The following UCHL3 variants were observed in gnomAD, a reference collection of about 807,000 sequenced individuals.
UCHL3 encodes the protein ubiquitin carboxyl-terminal hydrolase isozyme L3.
Under a neutral mutation model 35.8 loss-of-function variants are expected in UCHL3, and 22 were observed. That is an observed-to-expected ratio of 0.61 (90% confidence interval 0.44 to 0.88). UCHL3 has a LOEUF of 0.88. Ranked by LOEUF, UCHL3 falls within the 40% of genes least tolerant of loss-of-function variation. The pLI is 0.00. For missense variants in UCHL3, 229 were observed against 276.9 expected (o/e 0.83, Z 1.23); for synonymous variants, 90 against 92.8 (o/e 0.97, Z 0.17).
chr13:75,554,373 A>G (rs146055567), intron 2 of UCHL3, among the ~76,000 whole-genome samples: 12 of 152,360 alleles, frequency 7.9e-5, no homozygotes, highest in African/African-American at 2.4e-4. Flanking sequence ...ATTACTACAT[A>G]TAAAATATGT....
chr13:75,591,216 C>A (rs924650761), intron 6 of UCHL3, among the ~76,000 whole-genome samples: 2 of 152,166 alleles, frequency 1.3e-5, no homozygotes, highest in Non-Finnish European at 2.9e-5. Flanking sequence ...TGGTATCTTT[C>A]CTTAAATATT....
chr13:75,549,549 C>T, upstream of UCHL3: 1 of 444,142 alleles, frequency 2.3e-6, no homozygotes, highest in Non-Finnish European at 3.9e-6. Flanking sequence ...GGGGAGAGGG[C>T]TGTGGATTCA....
chr13:75,557,571 T>C (rs534989873), intron 2 of UCHL3, among the ~76,000 whole-genome samples: 2 of 152,358 alleles, frequency 1.3e-5, no homozygotes, highest in South Asian at 2.1e-4. Flanking sequence ...TGAAACCTTT[T>C]ATCCTGCTTG....
intron 2 of UCHL3, among the ~76,000 whole-genome samples, chr13:75,553,609 C>A (rs1424393015): frequency 6.6e-6 from 1 of 152,074 alleles, no homozygotes; most frequent in African/African-American, 2.4e-5. Flanking sequence ...GACTGCTCAT[C>A]TTTTTTATGT....
intron 4 of UCHL3, 24 bp downstream of exon 4, chr13:75,566,875 T>A (rs760373304): frequency 6.4e-7 from 1 of 1,570,802 alleles, no homozygotes; most frequent in South Asian, 1.2e-5. Context: ...CATTACTGCA[T>A]TTTTTCCCCC....
chr13:75,549,681 C>A (rs1324891179), upstream of UCHL3: 3 of 947,236 alleles, frequency 3.2e-6, no homozygotes, highest in South Asian at 1.9e-5. Flanking sequence ...GTGAGAGGCC[C>A]GTCAAACTCT....
chr13:75,590,352 A>G (rs2032449067), intron 6 of UCHL3, among the ~76,000 whole-genome samples: 1 of 152,106 alleles, frequency 6.6e-6, no homozygotes, highest in Non-Finnish European at 1.5e-5. Flanking sequence ...TCCTGCCAAC[A>G]TAACGGCACC....
At chr13:75,575,300 C>T (rs2031985837) in intron 6 of UCHL3, among the ~76,000 whole-genome samples, 1 of 152,206 alleles carries the variant, frequency 6.6e-6, no homozygotes, top group Non-Finnish European at 1.5e-5. Context: ...CCCCACCTCA[C>T]TTATGCTTCA....
In UCHL3 at chr13:75,604,677, T is replaced by C. The variant is rs985982290; in HGVS notation, c.551-92T>C. 5 of 979,952 alleles carry C rather than the reference T, an allele frequency of 5.1e-6. No individual in the cohort carries two copies. The African/African-American group carries it at 8.4e-5, about 16-fold the overall frequency. 60.7% of individuals were successfully genotyped at this position (979,952 alleles called of 1,614,324 possible). ...TATTGAAAATGGCTTTTAACTTTTC[T>C]TGCCTCACTGGGGGAAGAGGAAAAT... is the stretch of plus-strand genomic sequence containing the variant. On this transcript the variant is annotated intron_variant, in intron 7 of 8. Coordinates refer to ENST00000377595, the MANE Select transcript of UCHL3 (RefSeq NM_006002.5).
chr13:75,580,391 G>A (rs2032146082), intron 6 of UCHL3, among the ~76,000 whole-genome samples: 1 of 152,140 alleles, frequency 6.6e-6, no homozygotes, highest in South Asian at 2.1e-4. Context: ...AACTCATAAA[G>A]TTATACATGT....
chr13:75,597,129 T>G (rs373035552), intron 7 of UCHL3, among the ~76,000 whole-genome samples: 8 of 152,228 alleles, frequency 5.3e-5, no homozygotes, highest in African/African-American at 1.9e-4. Flanking sequence ...GTAACTCTGA[T>G]GCAGATCTAA....
intron 6 of UCHL3, among the ~76,000 whole-genome samples, chr13:75,569,936 G>A (rs925966629): frequency 3.3e-5 from 5 of 152,192 alleles, no homozygotes; most frequent in African/African-American, 1.2e-4. Context: ...TTGTTTCAGG[G>A]TAATGTAATG....
intron 2 of UCHL3, among the ~76,000 whole-genome samples, chr13:75,551,292 G>A (rs1045345353): frequency 6.6e-6 from 1 of 152,018 alleles, no homozygotes; most frequent in Non-Finnish European, 1.5e-5. Flanking sequence ...TTAGACGGGC[G>A]TGGTGATACA....
At chr13:75,589,201 A>G (rs557685935) in intron 6 of UCHL3, among the ~76,000 whole-genome samples, 1 of 152,226 alleles carries the variant, frequency 6.6e-6, no homozygotes, top group Admixed American at 6.5e-5. Context: ...GACCTTGGTT[A>G]TGTTACTTAA....
intron 6 of UCHL3, among the ~76,000 whole-genome samples, chr13:75,584,632 G>A (rs1488354898): frequency 6.6e-6 from 1 of 152,146 alleles, no homozygotes; most frequent in Non-Finnish European, 1.5e-5. Context: ...ATTCAGCAGA[G>A]CTAGACTCAT....
At chr13:75,577,254 AAG>A (rs1283766956) in intron 6 of UCHL3, among the ~76,000 whole-genome samples, 1 of 152,166 alleles carries the variant, frequency 6.6e-6, no homozygotes, top group Non-Finnish European at 1.5e-5. Flanking sequence ...TCAGACAAAA[AAG>A]AGAAAAAATA....
At chr13:75,569,134 T>A (rs1593732278) in intron 5 of UCHL3, 1 of 192,692 alleles carries the variant, frequency 5.2e-6, no homozygotes, top group East Asian at 1.2e-4. Flanking sequence ...AATGCTTACT[T>A]TATTCTAGTC....
chr13:75,563,051 A>G (rs2138479027), intron 3 of UCHL3, among the ~76,000 whole-genome samples: 1 of 152,300 alleles, frequency 6.6e-6, no homozygotes, highest in Admixed American at 6.5e-5. Flanking sequence ...GTTCCAATTT[A>G]GAAATTGAAT....
intron 7 of UCHL3, 30 bp from the exon 8 acceptor site, chr13:75,604,739 A>C (rs758470066): frequency 6.4e-7 from 1 of 1,570,980 alleles, no homozygotes; most frequent in South Asian, 1.2e-5. Flanking sequence ...AAAACAGCTA[A>C]GCATTCAATT....
Sources: allele counts gnomAD v4.1 joint callset (sites outside exome capture counted in the v4.1 genomes callset), GRCh38; gene constraint gnomAD v4.1.1; transcripts MANE v1.5; gene names NCBI Gene and HGNC (gene_info 2026-07-23, HGNC 2026-07-21).